Variants in MECOM observed in about 807,000 individuals in gnomAD.
MECOM encodes histone-lysine N-methyltransferase MECOM.
In MECOM, 13 loss-of-function variants were observed where a neutral mutation model predicts 116.3. The observed-to-expected ratio is 0.11, with a 90% CI of 0.07 to 0.18. The LOEUF (loss-of-function observed/expected upper bound fraction) is 0.18, where lower values mean the gene tolerates loss of function less well. Among genes scored for constraint, MECOM ranks in the 10% least tolerant of loss-of-function variants. The pLI is 1.00. For synonymous variants in MECOM, 528 were observed against 535.2 expected (o/e 0.99, Z 0.19); for missense variants, 1,299 against 1,509.0 (o/e 0.86, Z 2.31).
At chr3:169,212,452 TAA>T (rs549572989) in intron 2 of MECOM, among the ~76,000 whole-genome samples, 16 of 125,712 alleles carry the variant, frequency 1.3e-4, no homozygotes, top group East Asian at 2.2e-4. Flanking sequence ...AGGGAGAAGG[TAA>T]AAAAAAAAAA....
At chr3:169,328,124 C>T (rs1373329974) in intron 2 of MECOM, among the ~76,000 whole-genome samples, 1 of 152,100 alleles carries the variant, frequency 6.6e-6, no homozygotes, top group East Asian at 1.9e-4. Context: ...TTGTTTGACC[C>T]GACTGAACTT....
intron 2 of MECOM, among the ~76,000 whole-genome samples, chr3:169,376,056 T>C (rs1730978370): frequency 6.6e-6 from 1 of 151,726 alleles, no homozygotes. Flanking sequence ...ATCCATCACA[T>C]AAACAGAACC....
intron 2 of MECOM, among the ~76,000 whole-genome samples, chr3:169,284,828 T>A (rs190156881): frequency 2.6e-5 from 4 of 152,290 alleles, no homozygotes; most frequent in African/African-American, 9.6e-5. Flanking sequence ...TAATTTCTCA[T>A]GTTAGTGTTG....
intron 1 of MECOM, chr3:169,615,075 C>T (rs528735989): frequency 2.6e-5 from 4 of 152,314 alleles, no homozygotes; most frequent in African/African-American, 9.6e-5. Context: ...ATAGTAAGCA[C>T]TATACAAGTG....
intron 1 of MECOM, among the ~76,000 whole-genome samples, chr3:169,443,364 G>A (rs146318476): frequency 6.6e-6 from 1 of 152,046 alleles, no homozygotes; most frequent in African/African-American, 2.4e-5. Flanking sequence ...TACTCTCTGT[G>A]GGGGGAAGGG....
chr3:169,291,233 T>TC, intron 2 of MECOM, among the ~76,000 whole-genome samples: 1 of 152,142 alleles, frequency 6.6e-6, no homozygotes, highest in African/African-American at 2.4e-5. Context: ...ATCCTTCATT[T>TC]CCCCCACTTG....
intron 1 of MECOM, among the ~76,000 whole-genome samples, chr3:169,562,182 A>G (rs1762736026): frequency 7.1e-6 from 1 of 139,896 alleles, no homozygotes; most frequent in African/African-American, 2.5e-5. Context: ...GAAAGAAAAA[A>G]AAAAGATAGA....
At chr3:169,568,141 G>A (rs1015616086) in intron 1 of MECOM, among the ~76,000 whole-genome samples, 10 of 152,114 alleles carry the variant, frequency 6.6e-5, no homozygotes, top group African/African-American at 1.9e-4. Context: ...TTCTCTAGCC[G>A]ACAGAAGCCA....
intron 2 of MECOM, among the ~76,000 whole-genome samples, chr3:169,185,227 T>C (rs1274322330): frequency 2.6e-5 from 4 of 152,122 alleles, no homozygotes; most frequent in Non-Finnish European, 1.5e-5. Context: ...GACAGGAAGA[T>C]GAAGGTGCTG....
intron 2 of MECOM, among the ~76,000 whole-genome samples, chr3:169,311,741 G>C (rs1328448224): frequency 1.3e-5 from 2 of 151,714 alleles, no homozygotes; most frequent in Non-Finnish European, 2.9e-5. Flanking sequence ...TTTAAAATGG[G>C]AACTGGACAA....
At chr3:169,587,315 T>C (rs1426807221) in intron 1 of MECOM, among the ~76,000 whole-genome samples, 3 of 152,240 alleles carry the variant, frequency 2.0e-5, no homozygotes, top group East Asian at 3.9e-4. Context: ...CACATCTCTT[T>C]CCTAAAACAA....
At chr3:169,238,582 A>G (rs1754393737) in intron 2 of MECOM, among the ~76,000 whole-genome samples, 1 of 152,228 alleles carries the variant, frequency 6.6e-6, no homozygotes, top group South Asian at 2.1e-4. Context: ...AAACCATTGA[A>G]TAAAATTATT....
rs150481592 is a variant in MECOM, at chr3:169,127,891, C to A, written c.783G>T (p.Thr261=). Residue 261 remains threonine (T), a synonymous_variant, in exon 5 of 17, where the codon ACG becomes ACT. Coordinates refer to ENST00000651503, the MANE Select transcript of MECOM (RefSeq NM_004991.4). ...GGTCACATTCCTTACACTCCTGGAT[C>A]GTGTGTATCTCTTGGAGATCATTCT... ...ESENDLQEIH[T]IQECKECDQV... is the part of the protein sequence containing the mutation. 2 of 1,614,032 alleles carry A rather than the reference C, an allele frequency of 1.2e-6. No individual in the cohort carries two copies. Among genetic ancestry groups the A allele is most frequent in the Non-Finnish European group, 8.5e-7 (1 of 1,179,934 alleles).
chr3:169,103,981 T>G (rs1388681015), intron 10 of MECOM, among the ~76,000 whole-genome samples: 1 of 152,184 alleles, frequency 6.6e-6, no homozygotes, highest in Non-Finnish European at 1.5e-5. Flanking sequence ...ATTTGCCAAA[T>G]GTCTTTCATC....
chr3:169,492,792 T>A (rs958687490), intron 1 of MECOM, among the ~76,000 whole-genome samples: 1 of 151,974 alleles, frequency 6.6e-6, no homozygotes, highest in African/African-American at 2.4e-5. Context: ...CTAAACCCCC[T>A]CTACTAAAAA....
intron 1 of MECOM, among the ~76,000 whole-genome samples, chr3:169,433,536 TGAAA>T (rs1339445571): frequency 3.6e-5 from 3 of 82,780 alleles, no homozygotes; most frequent in Non-Finnish European, 7.2e-5. Context: ...ACAGACAGAA[TGAAA>T]GAAAGAAAAG....
chr3:169,173,475 C>T (rs1017540687), intron 2 of MECOM, among the ~76,000 whole-genome samples: 1 of 152,146 alleles, frequency 6.6e-6, no homozygotes, highest in Non-Finnish European at 1.5e-5. Context: ...TCCTGTTGTC[C>T]CAGAGGCATC....
intron 1 of MECOM, among the ~76,000 whole-genome samples, chr3:169,585,521 C>T (rs1212431595): frequency 1.3e-5 from 2 of 152,152 alleles, no homozygotes; most frequent in African/African-American, 4.8e-5. Context: ...CTCATTTCGC[C>T]TCTACCTCAC....
At chr3:169,658,612 G>A (rs1775826356) in intron 1 of MECOM, among the ~76,000 whole-genome samples, 1 of 152,212 alleles carries the variant, frequency 6.6e-6, no homozygotes, top group Non-Finnish European at 1.5e-5. Flanking sequence ...CCTGAGGAGC[G>A]AGGTGTAGGG....
Sources: gnomAD v4.1 joint callset for allele counts (sites outside exome capture counted in the v4.1 genomes callset) on GRCh38, gnomAD v4.1.1 for gene constraint, MANE v1.5 for transcripts, NCBI Gene and HGNC (gene_info 2026-07-23, HGNC 2026-07-21) for gene names.